The following TMEM120B variants were observed in gnomAD, a reference collection of about 807,000 sequenced individuals.
The protein encoded by TMEM120B is transmembrane protein 120B.
TMEM120B carries 31 observed loss-of-function variants against 55.5 expected under a neutral mutation model. The ratio of observed to expected loss-of-function variants is 0.56; its 90% CI spans 0.42 to 0.75. The LOEUF (loss-of-function observed/expected upper bound fraction) is 0.75. Ranked by LOEUF, TMEM120B falls within the 30% of genes least tolerant of loss-of-function variation. The pLI is 0.00. For synonymous variants in TMEM120B, 203 were observed against 176.3 expected, an observed-to-expected ratio of 1.15 and a Z score of -1.20; for missense variants, 399 against 425.5, an observed-to-expected ratio of 0.94 and a Z score of 0.55.
At chr12:121,762,861 T>C (rs1285209680) in intron 6 of TMEM120B, among the ~76,000 whole-genome samples, 1 of 152,180 alleles carries the variant, frequency 6.6e-6, no homozygotes, top group Non-Finnish European at 1.5e-5. Context: ...TGAGCAGCCC[T>C]GTGACCCTGG....
chr12:121,722,234 T>G, intron 1 of TMEM120B, among the ~76,000 whole-genome samples: 1 of 151,970 alleles, frequency 6.6e-6, no homozygotes. Flanking sequence ...GAGTAGTTGG[T>G]ATTACAGGCG....
intron 6 of TMEM120B, among the ~76,000 whole-genome samples, chr12:121,770,632 G>A (rs556976367): frequency 5.3e-4 from 80 of 152,252 alleles, no homozygotes; most frequent in African/African-American, 1.8e-3. Flanking sequence ...AGTGAGGCTT[G>A]AAGGCAGGTG....
chr12:121,767,308 C>T (rs1299374575), intron 6 of TMEM120B, among the ~76,000 whole-genome samples: 6 of 152,158 alleles, frequency 3.9e-5, no homozygotes, highest in Non-Finnish European at 7.3e-5. Flanking sequence ...CTACAGGCAC[C>T]CGCCACCACG....
intron 4 of TMEM120B, among the ~76,000 whole-genome samples, chr12:121,751,582 TCTC>T (rs1400067641): frequency 6.6e-6 from 1 of 151,730 alleles, no homozygotes; most frequent in African/African-American, 2.4e-5. Context: ...TTTCTGACAC[TCTC>T]CTCCTCTGTA....
At chr12:121,740,694 A>G (rs1284879640) in intron 1 of TMEM120B, among the ~76,000 whole-genome samples, 3 of 152,066 alleles carry the variant, frequency 2.0e-5, no homozygotes, top group African/African-American at 7.2e-5. Flanking sequence ...AAATCTGTGT[A>G]TAAGTGGACA....
chr12:121,730,668 C>T (rs977342962), intron 1 of TMEM120B, among the ~76,000 whole-genome samples: 2 of 106,488 alleles, frequency 1.9e-5, no homozygotes, highest in African/African-American at 7.3e-5. Flanking sequence ...AAAAAACAAA[C>T]AAAAAAAAAC....
At chr12:121,750,353 A>G in intron 3 of TMEM120B, 27 bp from the exon 4 acceptor site, 4 of 1,607,918 alleles carry the variant, frequency 2.5e-6, no homozygotes, top group Non-Finnish European at 3.4e-6. Flanking sequence ...GCTAAGGATC[A>G]TGCCCCTCAC....
intron 6 of TMEM120B, among the ~76,000 whole-genome samples, chr12:121,765,572 C>T (rs1390388115): frequency 6.6e-6 from 1 of 152,152 alleles, no homozygotes; most frequent in Non-Finnish European, 1.5e-5. Flanking sequence ...TGGAATGGGG[C>T]CTCTGGGCCC....
chr12:121,757,522 T>TC lies in TMEM120B; in HGVS notation c.462-4127_462-4126insC, dbSNP rs201014049. Among the ~76,000 whole-genome samples, 4 of 122,272 alleles carry TC rather than the reference T, an allele frequency of 3.3e-5. No individual in the cohort carries two copies. The South Asian group carries it at 9.5e-4, about 29-fold the overall frequency. The allele number at this position is 122,272 out of a possible 152,430, so 80.2% of individuals were successfully genotyped here. On this transcript the variant is annotated intron_variant, in intron 5 of 11. Coordinates refer to ENST00000449592, the MANE Select transcript of TMEM120B (RefSeq NM_001080825.2). Reference sequence around the variant, plus strand: ...GCGCCCGGCTAATTATTATTATTATTTATTTTTTTTTTGAGACAGAGTCTT... The same window carrying TC: ...GCGCCCGGCTAATTATTATTATTATTCTATTTTTTTTTTGAGACAGAGTCTT...
chr12:121,759,104 G>T, intron 5 of TMEM120B: 1 of 750,490 alleles, frequency 1.3e-6, no homozygotes, highest in Non-Finnish European at 1.6e-6. Context: ...ACCTAAAATA[G>T]AACATAGAGT....
intron 6 of TMEM120B, among the ~76,000 whole-genome samples, chr12:121,763,079 C>T (rs1873731291): frequency 6.6e-6 from 1 of 152,062 alleles, no homozygotes; most frequent in Non-Finnish European, 1.5e-5. Flanking sequence ...CAGTTAAAAC[C>T]CATGACTTGC....
chr12:121,771,209 G>C (rs954384533), intron 7 of TMEM120B, among the ~76,000 whole-genome samples: 15 of 152,320 alleles, frequency 9.8e-5, no homozygotes, highest in South Asian at 2.1e-4. Context: ...GGGCTGCAAG[G>C]CTGGAGGGAG....
intron 1 of TMEM120B, among the ~76,000 whole-genome samples, chr12:121,729,083 C>T (rs1431825557): frequency 6.6e-6 from 1 of 152,232 alleles, no homozygotes; most frequent in Non-Finnish European, 1.5e-5. Context: ...AGCCACATTT[C>T]ATGGACTGAG....
intron 5 of TMEM120B, among the ~76,000 whole-genome samples, chr12:121,760,143 A>G (rs1326495641): frequency 2.0e-5 from 3 of 151,224 alleles, no homozygotes; most frequent in Non-Finnish European, 4.4e-5. Context: ...AAAAAAAAAA[A>G]AAAAAAAAAA....
intron 9 of TMEM120B, among the ~76,000 whole-genome samples, chr12:121,774,080 TG>T (rs1372057223): frequency 2.0e-5 from 3 of 151,460 alleles, no homozygotes; most frequent in Non-Finnish European, 4.4e-5. Context: ...CTCAGCCTCC[TG>T]AGTAGCTGGG....
In TMEM120B at chr12:121,778,065, A is replaced by C. The variant is rs1874302619; in HGVS notation, c.*2343A>C. The C allele has an allele frequency of 6.6e-6, 1 of 152,054 alleles. No individual in the cohort carries two copies. Among genetic ancestry groups the C allele is most frequent in the Non-Finnish European group, 1.5e-5 (1 of 68,018 alleles). 9.4% of individuals were successfully genotyped at this position (152,054 alleles called of 1,614,324 possible). A position where few individuals can be genotyped will look rare whatever the true frequency, so the allele number is the denominator to read the frequency against. The stretch of plus-strand genomic sequence containing the variant: ...AGGCTAGGAGTTGCCTGAAGCCATT[A>C]TCCCATCTTAGGCGACACCGACTCC... On this transcript the variant is annotated 3_prime_UTR_variant, in exon 12 of 12. Transcript: ENST00000449592.
chr12:121,748,304 G>T (rs1289303744), intron 2 of TMEM120B, 22 bp from the exon 3 acceptor site: 1 of 1,592,916 alleles, frequency 6.3e-7, no homozygotes, highest in Admixed American at 1.7e-5. Flanking sequence ...CCCTTCCCCT[G>T]TGCCTGCATC....
chr12:121,771,411 G>A, intron 7 of TMEM120B, 77 bp from the exon 8 acceptor site: 1 of 1,275,358 alleles, frequency 7.8e-7, no homozygotes. Context: ...TCTTCTGGTT[G>A]GAATGGAGTT....
At chr12:121,730,563 G>C (rs958802284) in intron 1 of TMEM120B, among the ~76,000 whole-genome samples, 1 of 147,378 alleles carries the variant, frequency 6.8e-6, no homozygotes, top group African/African-American at 2.5e-5. Context: ...AGACAGGAGA[G>C]TCACTTCAAT....
Sources: allele counts gnomAD v4.1 joint callset (sites outside exome capture counted in the v4.1 genomes callset), GRCh38; gene constraint gnomAD v4.1.1; transcripts MANE v1.5; gene names NCBI Gene and HGNC (gene_info 2026-07-23, HGNC 2026-07-21).